Variants in COL4A2 observed in about 807,000 individuals in gnomAD.
The protein encoded by COL4A2 is collagen alpha-2(IV) chain.
COL4A2 carries 99 observed loss-of-function variants against 200.2 expected under a neutral mutation model. The observed-to-expected ratio is 0.49, with a 90% CI of 0.42 to 0.58. COL4A2 has a LOEUF of 0.58. Among genes scored for constraint, COL4A2 ranks in the 20% least tolerant of loss-of-function variants. The pLI is 0.00. For synonymous variants in COL4A2, 897 were observed against 900.6 expected (o/e 1.00, Z 0.07); for missense variants, 1,950 against 2,314.1 (o/e 0.84, Z 3.23).
At chr13:110,494,497 TC>T (rs527738197) in intron 39 of COL4A2, among the ~76,000 whole-genome samples, 1 of 152,222 alleles carries the variant, frequency 6.6e-6, no homozygotes, top group Non-Finnish European at 1.5e-5. Flanking sequence ...TATTATTATG[TC>T]TTTTTTTCAA....
At chr13:110,380,249 G>A (rs1364342774) in intron 4 of COL4A2, among the ~76,000 whole-genome samples, 2 of 152,190 alleles carry the variant, frequency 1.3e-5, no homozygotes, top group African/African-American at 4.8e-5. Flanking sequence ...TCTTCTGAGA[G>A]GCTTTTCTTC....
At chr13:110,387,512 C>T (rs1182997423) in intron 4 of COL4A2, among the ~76,000 whole-genome samples, 1 of 152,170 alleles carries the variant, frequency 6.6e-6, no homozygotes, top group Non-Finnish European at 1.5e-5. Flanking sequence ...CAAGTGTCGG[C>T]CGCATTCACC....
At chr13:110,376,211 T>C (rs1471854430) in intron 4 of COL4A2, among the ~76,000 whole-genome samples, 1 of 152,220 alleles carries the variant, frequency 6.6e-6, no homozygotes, top group African/African-American at 2.4e-5. Flanking sequence ...GTATCACTTC[T>C]GATCTGACTG....
chr13:110,432,112 G>T (rs923404645), intron 10 of COL4A2, among the ~76,000 whole-genome samples: 2 of 152,172 alleles, frequency 1.3e-5, no homozygotes, highest in African/African-American at 4.8e-5. Flanking sequence ...ACAGCTGTCC[G>T]TAGACAGCCG....
At chr13:110,487,887 G>A (rs777252028) in intron 34 of COL4A2, among the ~76,000 whole-genome samples, 21 of 152,296 alleles carry the variant, frequency 1.4e-4, no homozygotes, top group African/African-American at 3.6e-4. Context: ...TGAGCTGTGC[G>A]TTTAAGATGA....
chr13:110,451,154 G>A (rs529273485), intron 20 of COL4A2, among the ~76,000 whole-genome samples: 15 of 152,302 alleles, frequency 9.8e-5, no homozygotes, highest in African/African-American at 3.4e-4. Flanking sequence ...CTCAACTTGA[G>A]TTGAGAATGA....
At chr13:110,329,869 A>G (rs146230678) in intron 3 of COL4A2, among the ~76,000 whole-genome samples, 3 of 152,316 alleles carry the variant, frequency 2.0e-5, no homozygotes, top group Non-Finnish European at 4.4e-5. Flanking sequence ...GGCTCAGCAC[A>G]CCCAGCAAAG....
At position 110,430,527 on chromosome 13, in the gene COL4A2, C is replaced by G. The variant is rs1257574859; in HGVS notation, c.586-18C>G. 6.2e-7 allele frequency: 1 copy of G among 1,614,178 alleles called. No homozygotes were observed. The highest frequency in any genetic ancestry group is 2.2e-5 in the East Asian group (1 of 44,882). ...AGTTTACCTCTCTTAAAAACATTCT[C>G]CCGCTGCCTATCCATAGGGACCTCC... On this transcript the variant is annotated intron_variant, in intron 9 of 47. Transcript: ENST00000360467.
intron 3 of COL4A2, among the ~76,000 whole-genome samples, chr13:110,337,078 G>A (rs1333373693): frequency 6.6e-6 from 1 of 152,200 alleles, no homozygotes; most frequent in African/African-American, 2.4e-5. Context: ...AACAGACTGC[G>A]TTTATCTATG....
chr13:110,501,700 C>A lies in COL4A2; in HGVS notation c.3793C>A (p.Gln1265Lys), dbSNP rs773420600. The A allele has an allele frequency of 3.0e-5, 49 of 1,613,712 alleles. No homozygotes were observed. The South Asian group carries it at 5.4e-4, about 18-fold the overall frequency. Residue 1265 changes from glutamine (Q) to lysine (K), a missense_variant, in exon 41 of 48, where the codon CAG (glutamine) becomes AAG (lysine). Gln to Lys is a moderately conservative substitution (Grantham distance 53, BLOSUM62 1). Around this residue, in one of 2 missense-constraint regions of COL4A2, gnomAD observed 1,385 missense variants for 1,720.5 expected, o/e 0.80. Coordinates refer to ENST00000360467, the MANE Select transcript of COL4A2 (RefSeq NM_001846.4). ...ERGPPGSPGL[Q>K]GFPGITPPSN... ...AGGCCCACCTGGGAGCCCAGGACTT[C>A]AGGGGTTCCCTGGTATCACACCCCC...
At chr13:110,476,464 G>A (rs539680351) in intron 29 of COL4A2, among the ~76,000 whole-genome samples, 12 of 152,280 alleles carry the variant, frequency 7.9e-5, no homozygotes, top group South Asian at 2.1e-4. Context: ...CCTCTTCCTC[G>A]CTGCAGGTTG....
At chr13:110,493,819 T>TTG (rs2139539530) in intron 39 of COL4A2, among the ~76,000 whole-genome samples, 1 of 151,570 alleles carries the variant, frequency 6.6e-6, no homozygotes, top group South Asian at 2.1e-4. Context: ...GGTCGGGTTC[T>TTG]GGGGGGGGCC....
rs976051237 is a variant in COL4A2, at chr13:110,376,628, G to A, written c.180+19076G>A. On this transcript the variant is annotated intron_variant, in intron 4 of 47. Coordinates refer to ENST00000360467, the MANE Select transcript of COL4A2 (RefSeq NM_001846.4). The stretch of plus-strand genomic sequence containing the variant: ...AATTATCGGAAGGAATGCCTCTCAC[G>A]CTGTAATGTGCCTGCAAGCAGCCTG... Among the ~76,000 whole-genome samples, 24 of 152,150 alleles carry A rather than the reference G, an allele frequency of 1.6e-4. No homozygotes were observed. In the East Asian group the frequency reaches 3.3e-3, roughly 21 times the overall value.
chr13:110,328,792 G>A (rs1875765869), intron 3 of COL4A2, among the ~76,000 whole-genome samples: 7 of 152,172 alleles, frequency 4.6e-5, no homozygotes, highest in Admixed American at 3.3e-4. Flanking sequence ...AGATCCTAGC[G>A]GATCCAAAGC....
At chr13:110,459,510 T>C (rs111613581) in intron 22 of COL4A2, 5 of 130,720 alleles carry the variant, frequency 3.8e-5, no homozygotes, top group African/African-American at 8.9e-5. Flanking sequence ...TCTATTCTTA[T>C]GAAATGTCCA....
At chr13:110,473,264 T>C in intron 29 of COL4A2, 114 bp downstream of exon 29, 1 of 888,624 alleles carries the variant, frequency 1.1e-6, no homozygotes, top group African/African-American at 1.7e-5. Flanking sequence ...CCTATAGTGC[T>C]AGCCATGCGT....
chr13:110,477,765 A>G (rs546408313), intron 29 of COL4A2, among the ~76,000 whole-genome samples: 2 of 152,344 alleles, frequency 1.3e-5, no homozygotes, highest in East Asian at 1.9e-4. Flanking sequence ...GCAAATGTCT[A>G]GTTATTTATA....
chr13:110,458,823 T>G lies in COL4A2; in HGVS notation c.1485T>G (p.Leu495=), dbSNP rs917258413. The change falls in exon 22 of 48, where the codon CTT becomes CTG. Residue 495 remains leucine, a synonymous_variant. Transcript: ENST00000360467. ...CTEGDEAIKG[L]PGLPGPKGFA... ...AAGGCGACGAAGCTATCAAAGGTCTTCCGGGACTGCCAGGACCCAAGGGCT... is the reference window on the plus strand; with the variant it reads ...AAGGCGACGAAGCTATCAAAGGTCTGCCGGGACTGCCAGGACCCAAGGGCT... 28 of 1,613,754 alleles carry G rather than the reference T, an allele frequency of 1.7e-5. No homozygotes were observed. The East Asian group carries it at 6.2e-4, about 36-fold the overall frequency.
intron 3 of COL4A2, among the ~76,000 whole-genome samples, chr13:110,350,983 T>C (rs959135321): frequency 6.6e-6 from 1 of 152,194 alleles, no homozygotes; most frequent in Admixed American, 6.5e-5. Flanking sequence ...AGGTAAATCT[T>C]CCTCAAACTC....
Sources: gnomAD v4.1 joint callset for allele counts (sites outside exome capture counted in the v4.1 genomes callset) on GRCh38, gnomAD v4.1.1 for gene constraint, gnomAD v4.1.1 regional missense constraint, MANE v1.5 for transcripts, NCBI Gene and HGNC (gene_info 2026-07-23, HGNC 2026-07-21) for gene names.